CSMD1: variants seen among roughly 807,000 people sequenced by gnomAD.
The protein encoded by CSMD1 is CUB and sushi domain-containing protein 1.
Under a neutral mutation model 417.5 loss-of-function variants are expected in CSMD1, and 213 were observed. That is an observed-to-expected ratio of 0.51 (90% confidence interval 0.46 to 0.57). The LOEUF is 0.57. Ranked by LOEUF, CSMD1 falls within the 20% of genes least tolerant of loss-of-function variation. The pLI, the probability that CSMD1 is intolerant of heterozygous loss-of-function variation, is 0.00. For synonymous variants in CSMD1, 2,862 were observed against 1,736.8 expected (o/e 1.65, Z -16.11); for missense variants, 6,923 against 4,529.7 (o/e 1.53, Z -15.17).
intron 2 of CSMD1, among the ~76,000 whole-genome samples, chr8:4,615,380 A>G (rs867312124): frequency 6.6e-6 from 1 of 152,216 alleles, no homozygotes; most frequent in Non-Finnish European, 1.5e-5. Context: ...TTATCTTAAC[A>G]TATGGAGAAA....
chr8:3,828,246 GACA>G (rs1197908309), intron 5 of CSMD1, among the ~76,000 whole-genome samples: 2 of 152,074 alleles, frequency 1.3e-5, no homozygotes, highest in Non-Finnish European at 2.9e-5. Context: ...AAAAATAAAT[GACA>G]ACGTTATGTA....
chr8:3,194,402 G>A (rs1014981333), intron 33 of CSMD1, among the ~76,000 whole-genome samples: 1 of 119,230 alleles, frequency 8.4e-6, no homozygotes, highest in African/African-American at 2.8e-5. Flanking sequence ...GAGACCATCT[G>A]ATTAACTATT....
At chr8:4,935,890 C>A (rs774639520) in intron 1 of CSMD1, among the ~76,000 whole-genome samples, 32 of 152,208 alleles carry the variant, frequency 2.1e-4, no homozygotes, top group Non-Finnish European at 3.5e-4. Flanking sequence ...AATTTCTGGG[C>A]TGTCTTCCTC....
intron 1 of CSMD1, among the ~76,000 whole-genome samples, chr8:4,832,897 C>T (rs976424907): frequency 3.9e-5 from 6 of 152,242 alleles, no homozygotes; most frequent in African/African-American, 1.4e-4. Context: ...AAGCTCCGAA[C>T]TAGCTCAAGC....
At chr8:3,633,579 A>C (rs377096389) in intron 7 of CSMD1, among the ~76,000 whole-genome samples, 1 of 152,250 alleles carries the variant, frequency 6.6e-6, no homozygotes, top group African/African-American at 2.4e-5. Flanking sequence ...ATTTTTAGCT[A>C]CTTAAATTTT....
rs1416239168 is a variant in CSMD1 at position 2,974,619 on chromosome 8, A to G, written c.8572T>C (p.Ser2858Pro). 2 of 1,584,166 alleles carry G rather than the reference A, an allele frequency of 1.3e-6. No individual in the cohort carries two copies. The highest frequency in any genetic ancestry group is 4.6e-5 in the East Asian group (2 of 43,922). ...GCAGGGACCCCTGGGTGTCCACACG[A>G]TATAGCTTCAGAAAAAAGATAAAAC... ...DRSLPKCLAI[S>P]CGHPGVPANA... The change falls in exon 56 of 70, where the codon TCG (serine) becomes CCG (proline). Residue 2858 changes from serine to proline, a missense_variant. Transcript: ENST00000635120.
chr8:4,143,612 A>G lies in CSMD1; in HGVS notation c.416-111513T>C, dbSNP rs888381799. Among the ~76,000 whole-genome samples, 64 of 151,086 alleles carry G rather than the reference A, an allele frequency of 4.2e-4. 2 individuals carry two copies. Among genetic ancestry groups the G allele is most frequent in the African/African-American group, 1.3e-3 (51 of 40,442 alleles). ...TTTAACTAGTTGTGATGCCCATGGC[A>G]CTCTGAGGGTACACCTGATACCGGA... is the stretch of plus-strand genomic sequence containing the variant. On this transcript the variant is annotated intron_variant, in intron 3 of 69. Transcript: ENST00000635120.
At chr8:4,458,217 G>A (rs12675730) in intron 2 of CSMD1, among the ~76,000 whole-genome samples, 2 of 152,070 alleles carry the variant, frequency 1.3e-5, no homozygotes, top group Admixed American at 1.3e-4. Context: ...AAGAAATATG[G>A]AACTTATAAT....
rs533779483 is a variant in CSMD1 at position 4,745,960 on chromosome 8, C to T, written c.86-108402G>A. Among the ~76,000 whole-genome samples the T allele has an allele frequency of 1.6e-4, 24 of 152,218 alleles. No homozygotes were observed. The Middle Eastern group carries it at 0.01, about 65-fold the overall frequency. ...TTCCCCATTTGGTATCTCATCGGTA[C>T]GCTTTGAAGTACAGGCTAAGAATCA... On this transcript the variant is annotated intron_variant, in intron 1 of 69. Coordinates refer to ENST00000635120, the MANE Select transcript of CSMD1 (RefSeq NM_033225.6).
At chr8:4,033,022 T>A (rs1190048629) in intron 3 of CSMD1, among the ~76,000 whole-genome samples, 1 of 149,970 alleles carries the variant, frequency 6.7e-6, no homozygotes, top group Non-Finnish European at 1.5e-5. Context: ...TTTGTATGCA[T>A]GATAAAAACA....
At chr8:4,515,717 T>C (rs1803080119) in intron 2 of CSMD1, among the ~76,000 whole-genome samples, 1 of 152,126 alleles carries the variant, frequency 6.6e-6, no homozygotes, top group South Asian at 2.1e-4. Flanking sequence ...GGGTGAATGC[T>C]TATGAGCCCT....
At chr8:3,558,438 TCC>T (rs1563152456) in intron 10 of CSMD1, among the ~76,000 whole-genome samples, 14 of 148,408 alleles carry the variant, frequency 9.4e-5, no homozygotes, top group Non-Finnish European at 1.5e-4. Flanking sequence ...CCGTGTCCAC[TCC>T]TGCAATGATG....
chr8:4,284,287 G>C (rs1273005823), intron 3 of CSMD1, among the ~76,000 whole-genome samples: 1 of 152,096 alleles, frequency 6.6e-6, no homozygotes, highest in Non-Finnish European at 1.5e-5. Flanking sequence ...AGAATTGCTT[G>C]AACCCAGGAG....
At chr8:3,075,885 C>CAA (rs754691568) in intron 49 of CSMD1, among the ~76,000 whole-genome samples, 7 of 106,982 alleles carry the variant, frequency 6.5e-5, no homozygotes, top group South Asian at 6.1e-4. Flanking sequence ...ACTAAAAATA[C>CAA]AAAAAAAAAA....
At chr8:4,746,681 C>G (rs1810975088) in intron 1 of CSMD1, among the ~76,000 whole-genome samples, 1 of 152,150 alleles carries the variant, frequency 6.6e-6, no homozygotes, top group East Asian at 1.9e-4. Flanking sequence ...TATGCATCTG[C>G]TGCTGAGCAC....
chr8:3,107,729 T>C lies in CSMD1; in HGVS notation c.6824A>G (p.Asp2275Gly). Reference protein sequence around the residue: ...PQAEMLTEDDDFEIGDFVKYQ... With the variant: ...PQAEMLTEDDGFEIGDFVKYQ... ...GAAGAAAGTATTACCTATTTCGAAA[T>C]CATCATCCTCAGTAAGCATTTCTGC... The change falls in exon 45 of 70, where the codon GAT (aspartate) becomes GGT (glycine). Residue 2275 changes from aspartate to glycine, a missense_variant. Physicochemically the swap from Asp to Gly is moderately conservative, Grantham distance 94. Coordinates refer to ENST00000635120, the MANE Select transcript of CSMD1 (RefSeq NM_033225.6). 6.3e-7 allele frequency: 1 copy of C among 1,586,520 alleles called. No individual in the cohort carries two copies. The highest frequency in any genetic ancestry group is 8.6e-7 in the Non-Finnish European group (1 of 1,166,278).
rs777310280 is a variant in CSMD1, at chr8:4,346,396, T to A, written c.415+73557A>T. Among the ~76,000 whole-genome samples, 5 of 152,116 alleles carry A rather than the reference T, an allele frequency of 3.3e-5. No homozygotes were observed. In the East Asian group the frequency reaches 5.8e-4, roughly 18 times the overall value. ...CTGCTTACCTGACCCCACAGCCGAGTTGAACAGTTACATCAGGGAGTATGA... is the reference window on the plus strand; with the variant it reads ...CTGCTTACCTGACCCCACAGCCGAGATGAACAGTTACATCAGGGAGTATGA... On this transcript the variant is annotated intron_variant, in intron 3 of 69. Transcript: ENST00000635120.
chr8:3,509,484 T>C (rs779653928), intron 10 of CSMD1, among the ~76,000 whole-genome samples: 1 of 152,212 alleles, frequency 6.6e-6, no homozygotes, highest in East Asian at 1.9e-4. Context: ...TGAACTATTT[T>C]TCATTTCAGC....
rs139531186 is a variant in CSMD1, at chr8:4,327,835, T to C, written c.415+92118A>G. Among the ~76,000 whole-genome samples, 126 of 152,342 alleles carry C rather than the reference T, an allele frequency of 8.3e-4. No individual in the cohort carries two copies. The East Asian group carries it at 0.022, about 27-fold the overall frequency. ...TCCTGTAAGTATAAAGTAAGGTACA[T>C]TTTTGTTTGAAAGATGACACATTTT... On this transcript the variant is annotated intron_variant, in intron 3 of 69. Transcript: ENST00000635120.
Sources: gnomAD v4.1 joint callset for allele counts (sites outside exome capture counted in the v4.1 genomes callset) on GRCh38, gnomAD v4.1.1 for gene constraint, MANE v1.5 for transcripts, NCBI Gene and HGNC (gene_info 2026-07-23, HGNC 2026-07-21) for gene names.